Variants in SGO1 observed in about 807,000 individuals in gnomAD.
SGO1 encodes the protein shugoshin 1.
SGO1 carries 39 observed loss-of-function variants against 50.5 expected under a neutral mutation model. The observed-to-expected ratio is 0.77, with a 90% CI of 0.60 to 1.01. The LOEUF (loss-of-function observed/expected upper bound fraction) is 1.01. SGO1 is among the 50% of genes least tolerant of loss of function. The pLI, the probability that SGO1 is intolerant of heterozygous loss-of-function variation, is 0.00. For synonymous variants in SGO1, 191 were observed against 205.1 expected, an observed-to-expected ratio of 0.93 and a Z score of 0.59; for missense variants, 638 against 606.0, an observed-to-expected ratio of 1.05 and a Z score of -0.55.
At position 20,170,716 on chromosome 3, in the gene SGO1, T is replaced by C; in HGVS notation, c.1572A>G (p.Lys524=). 1 of 1,584,074 alleles carries C rather than the reference T, an allele frequency of 6.3e-7. No homozygotes were observed. The highest frequency in any genetic ancestry group is 8.5e-7 in the Non-Finnish European group (1 of 1,172,882). The part of the protein sequence containing the change: ...KDLRRSKKSM[K]QIQ ...TCCAACAAAACCTTCATTGTATTTG[T>C]TTCATACTTTTTTTAGAACGTCTCA... Residue 524 remains lysine, a synonymous_variant, in exon 8 of 8, where the codon AAA becomes AAG. Transcript: ENST00000412997.
At chr3:20,172,049 TTA>T (rs1700802539) in intron 6 of SGO1, among the ~76,000 whole-genome samples, 1 of 152,264 alleles carries the variant, frequency 6.6e-6, no homozygotes, top group Non-Finnish European at 1.5e-5. Flanking sequence ...TATCTGGGTT[TTA>T]TAGTCTGTCC....
At chr3:20,169,308 TGA>T (rs2125251679), downstream of SGO1, 1 of 984,234 alleles carries the variant, frequency 1.0e-6, no homozygotes, top group South Asian at 4.7e-5. Context: ...GAGGGGAAGC[TGA>T]GAGTTTTATA....
intron 1 of SGO1, among the ~76,000 whole-genome samples, chr3:20,184,729 C>G (rs1275174650): frequency 6.6e-6 from 1 of 152,100 alleles, no homozygotes; most frequent in Non-Finnish European, 1.5e-5. Flanking sequence ...CTGTTAACTC[C>G]CAGTAAATTA....
At chr3:20,175,795 C>CAAAA (rs56284216) in intron 5 of SGO1, among the ~76,000 whole-genome samples, 1 of 136,838 alleles carries the variant, frequency 7.3e-6, no homozygotes, top group African/African-American at 2.7e-5. Flanking sequence ...GCAAGACTGT[C>CAAAA]AAAAAAAAAA....
chr3:20,183,878 T>A lies in SGO1; in HGVS notation c.142+8A>T, dbSNP rs1702313871. The A allele has an allele frequency of 6.2e-7, 1 of 1,604,694 alleles. No individual in the cohort carries two copies. The highest frequency in any genetic ancestry group is 1.1e-5 in the South Asian group (1 of 88,100). ...GTGATATAAAAGGACAACATAAAAA[T>A]CTCTTACTGATTATTTGGCATGGTG... On this transcript the variant is annotated splice_region_variant and intron_variant, in intron 2 of 7. Coordinates refer to ENST00000412997, the MANE Select transcript of SGO1 (RefSeq NM_001199251.3).
At chr3:20,172,792 T>TAAA (rs60411282) in intron 6 of SGO1, among the ~76,000 whole-genome samples, 7,645 of 98,800 alleles carry the variant, frequency 0.077, 313 homozygotes, top group African/African-American at 0.12. Context: ...TCACAAAAAG[T>TAAA]AAAAAAAAAA....
chr3:20,169,117 T>C (rs1317679157), downstream of SGO1: 1 of 984,972 alleles, frequency 1.0e-6, no homozygotes, highest in Admixed American at 6.2e-5. Context: ...AAATTTGGGA[T>C]GATGAAAAGG....
Position 20,170,781 on chromosome 3 carries a change from A to C in SGO1, c.1507T>G (p.Cys503Gly). The change falls in exon 8 of 8, where the codon TGT (cysteine) becomes GGT (glycine). Residue 503 changes from cysteine (C) to glycine (G), a missense_variant. Physicochemically the swap from Cys to Gly is radical, Grantham distance 159. Coordinates refer to ENST00000412997, the MANE Select transcript of SGO1 (RefSeq NM_001199251.3). ...TTGAAAATAGGAGAATTCAAAAAAC[A>C]CAAATCTGTAAAAGGGTCCCCTCTT... The part of the protein sequence containing the change: ...LRRGDPFTDL[C>G]FLNSPIFKQK... 6.3e-7 allele frequency: 1 copy of C among 1,596,752 alleles called. No homozygotes were observed.
intron 1 of SGO1, among the ~76,000 whole-genome samples, chr3:20,184,588 A>G (rs1702406334): frequency 6.6e-6 from 1 of 152,136 alleles, no homozygotes; most frequent in African/African-American, 2.4e-5. Context: ...AAGTCAAGGT[A>G]CTCCTTAGAG....
intron 8 of SGO1, among the ~76,000 whole-genome samples, chr3:20,163,755 T>C (rs1391503126): frequency 6.6e-6 from 1 of 152,036 alleles, no homozygotes; most frequent in Non-Finnish European, 1.5e-5. Flanking sequence ...ATATCAGGAA[T>C]GAAAAGAGAG....
rs112048159 is a variant in SGO1, at chr3:20,169,593, C to T, written c.*1111G>A. ...TCAAACTTTCTAAACTGAACTAATT[C>T]GCTTTCATTGGTTGGTCAAAAATAT... On this transcript the variant is annotated 3_prime_UTR_variant, in exon 8 of 8. Transcript: ENST00000412997. 7 of 985,050 alleles carry T rather than the reference C, an allele frequency of 7.1e-6. No individual in the cohort carries two copies. The highest frequency in any genetic ancestry group is 1.1e-4 in the East Asian group (1 of 8,826). 61.0% of individuals were successfully genotyped at this position (985,050 alleles called of 1,614,324 possible). A position where few individuals can be genotyped will look rare whatever the true frequency, so the allele number is the denominator to read the frequency against.
At chr3:20,182,431 C>T (rs1339752988) in intron 3 of SGO1, among the ~76,000 whole-genome samples, 5 of 152,000 alleles carry the variant, frequency 3.3e-5, no homozygotes, top group Non-Finnish European at 7.4e-5. Context: ...ACTGGCATAG[C>T]GAAGCAATGG....
chr3:20,170,151 C>A lies in SGO1; in HGVS notation c.*553G>T. The stretch of plus-strand genomic sequence containing the variant: ...GGGCACAGTGGCTCAGTAATCCCAG[C>A]ACTTTGGGAGGCCGAGGTGGGCAGA... On this transcript the variant is annotated 3_prime_UTR_variant, in exon 8 of 8. Transcript: ENST00000412997. 1 of 974,514 alleles carries A rather than the reference C, an allele frequency of 1.0e-6. No homozygotes were observed. The highest frequency in any genetic ancestry group is 1.2e-6 in the Non-Finnish European group (1 of 820,084). The allele number at this position is 974,514 out of a possible 1,614,324, so 60.4% of individuals were successfully genotyped here.
chr3:20,183,590 C>A lies in SGO1; in HGVS notation c.339+18G>T. On this transcript the variant is annotated intron_variant, in intron 3 of 7. Transcript: ENST00000412997. ...GGCTTAACTAAACTAAGAAATTCGGCCTTAGTAATGAAAATACCTGAGCAG... is the reference window on the plus strand; with the variant it reads ...GGCTTAACTAAACTAAGAAATTCGGACTTAGTAATGAAAATACCTGAGCAG... 1 of 1,547,496 alleles carries A rather than the reference C, an allele frequency of 6.5e-7. No homozygotes were observed. The highest frequency in any genetic ancestry group is 8.7e-7 in the Non-Finnish European group (1 of 1,151,592).
chr3:20,170,997 C>G (rs1240588412), intron 7 of SGO1, 46 bp downstream of exon 7: 1 of 1,525,588 alleles, frequency 6.6e-7, no homozygotes, highest in African/African-American at 1.4e-5. Context: ...CTTATTCCCC[C>G]CGACATGTAT....
intron 3 of SGO1, among the ~76,000 whole-genome samples, chr3:20,181,765 T>C (rs776546460): frequency 6.6e-6 from 1 of 152,116 alleles, no homozygotes. Context: ...TTAGAAAAGA[T>C]TACATTCTGG....
chr3:20,186,378 C>A (rs1008966042), upstream of SGO1: 2 of 152,304 alleles, frequency 1.3e-5, no homozygotes, highest in African/African-American at 4.8e-5. Context: ...GCGGAGCCTG[C>A]GGTCGGGTCT....
chr3:20,174,483 G>T lies in SGO1; in HGVS notation c.1048C>A (p.Gln350Lys). 2 of 1,614,056 alleles carry T rather than the reference G, an allele frequency of 1.2e-6. No homozygotes were observed. The highest frequency in any genetic ancestry group is 1.7e-6 in the Non-Finnish European group (2 of 1,179,998). Residue 350 changes from glutamine (Q) to lysine (K), a missense_variant, in exon 6 of 8, where the codon CAA (glutamine) becomes AAA (lysine). By Grantham distance (53) the Gln-to-Lys change is moderately conservative. Coordinates refer to ENST00000412997, the MANE Select transcript of SGO1 (RefSeq NM_001199251.3). ...EEGVHLTPFR[Q>K]KVSNDSNREE... ...CTATTAGAGTCATTGCTCACTTTTT[G>T]TCGGAAAGGAGTAAGATGAACACCC...
chr3:20,177,592 C>T (rs909958782), intron 4 of SGO1, among the ~76,000 whole-genome samples: 3 of 152,142 alleles, frequency 2.0e-5, no homozygotes, highest in African/African-American at 4.8e-5. Context: ...TGCTAAACAT[C>T]CCATCATGCA....
Sources: gnomAD v4.1 joint callset for allele counts (sites outside exome capture counted in the v4.1 genomes callset) on GRCh38, gnomAD v4.1.1 for gene constraint, MANE v1.5 for transcripts, NCBI Gene and HGNC (gene_info 2026-07-23, HGNC 2026-07-21) for gene names.